ZNF761: variants seen among roughly 807,000 people sequenced by gnomAD.
ZNF761 encodes the protein zinc finger protein 761.
A neutral mutation model predicts 59.9 loss-of-function variants in ZNF761; 43 were observed. That is an observed-to-expected ratio of 0.72 (90% CI 0.56 to 0.92). The LOEUF is 0.92. Ranked by LOEUF, ZNF761 falls within the 40% of genes least tolerant of loss-of-function variation. The pLI, the probability that ZNF761 is intolerant of heterozygous loss-of-function variation, is 0.00. For missense variants in ZNF761, 850 were observed against 906.1 expected (o/e 0.94, Z 0.79); for synonymous variants, 294 against 304.8 (o/e 0.96, Z 0.37).
chr19:53,457,097 C>A lies in ZNF761; in HGVS notation c.*349C>A. The A allele has an allele frequency of 1.7e-6, 1 of 593,290 alleles. No individual in the cohort carries two copies. Among genetic ancestry groups the A allele is most frequent in the Non-Finnish European group, 3.0e-6 (1 of 330,924 alleles). 36.8% of individuals were successfully genotyped at this position (593,290 alleles called of 1,614,324 possible). On this transcript the variant is annotated 3_prime_UTR_variant, in exon 5 of 5. Coordinates refer to ENST00000684525, the MANE Select transcript of ZNF761 (RefSeq NM_001289951.2). ...ACCAGTGTAATGAGTGTGGCAAAGC[C>A]TTTAGTAGGCAGTCAACACTTGTTT...
rs145908359 is a variant in ZNF761, at chr19:53,451,218, A to C, written c.142+1580A>C. Among the ~76,000 whole-genome samples, 863 of 152,176 alleles carry C rather than the reference A, an allele frequency of 5.7e-3. 6 individuals carry two copies. The highest frequency in any genetic ancestry group is 9.5e-3 in the African/African-American group (395 of 41,514). On this transcript the variant is annotated intron_variant, in intron 4 of 4. Coordinates refer to ENST00000684525, the MANE Select transcript of ZNF761 (RefSeq NM_001289951.2). ...TATTTGCCTGTTCATTTATTTATTT[A>C]TTTGTTGATGAGATGAAGTTTTGTT...
intron 1 of ZNF761, chr19:53,444,468 A>G (rs569282182): frequency 7.9e-5 from 12 of 152,282 alleles, no homozygotes; most frequent in African/African-American, 2.6e-4. Context: ...ACCTTTCCTT[A>G]AACTTATTTA....
chr19:53,452,128 C>G (rs539106064), intron 4 of ZNF761, among the ~76,000 whole-genome samples: 3 of 152,106 alleles, frequency 2.0e-5, no homozygotes, highest in Non-Finnish European at 4.4e-5. Context: ...GTGGGCTGAT[C>G]ACTTGAAATC....
rs749185898 is a variant in ZNF761, at chr19:53,456,255, G to A, written c.1748G>A (p.Ser583Asn). 3.1e-6 allele frequency: 5 copies of A among 1,614,034 alleles called. No individual in the cohort carries two copies. The highest frequency in any genetic ancestry group is 4.2e-6 in the Non-Finnish European group (5 of 1,179,984). ...SGENPYKCED[S>N]DKAYSFKSNL... is the part of the protein sequence containing the mutation. Reference sequence around the variant, plus strand: ...GAGAACCCTTACAAATGTGAAGATAGTGACAAAGCTTACAGTTTCAAATCA... The same window carrying A: ...GAGAACCCTTACAAATGTGAAGATAATGACAAAGCTTACAGTTTCAAATCA... Residue 583 changes from serine (S) to asparagine (N), a missense_variant, in exon 5 of 5, where the codon AGT becomes AAT. Coordinates refer to ENST00000684525, the MANE Select transcript of ZNF761 (RefSeq NM_001289951.2).
chr19:53,440,919 TC>T (rs2086092786), intron 1 of ZNF761, among the ~76,000 whole-genome samples: 1 of 152,162 alleles, frequency 6.6e-6, no homozygotes, highest in South Asian at 2.1e-4. Context: ...CGAAGGATCT[TC>T]CTGCCTTGGC....
At chr19:53,435,072 A>T (rs1379569202) in intron 1 of ZNF761, among the ~76,000 whole-genome samples, 1 of 152,038 alleles carries the variant, frequency 6.6e-6, no homozygotes, top group Non-Finnish European at 1.5e-5. Flanking sequence ...TGAAATTTAC[A>T]GGATTACAGG....
At chr19:53,436,246 T>C (rs995050474) in intron 1 of ZNF761, among the ~76,000 whole-genome samples, 2 of 152,206 alleles carry the variant, frequency 1.3e-5, no homozygotes, top group East Asian at 3.9e-4. Context: ...CCTAGAGAAG[T>C]TGGATTCTAC....
At chr19:53,437,773 T>C (rs2708809) in intron 1 of ZNF761, among the ~76,000 whole-genome samples, 12 of 151,750 alleles carry the variant, frequency 7.9e-5, no homozygotes, top group African/African-American at 2.7e-4. Flanking sequence ...TAAAAGTCCT[T>C]TCTCTTTATA....
In ZNF761 at chr19:53,454,671, T is replaced by G; in HGVS notation, c.164T>G (p.Met55Arg). Residue 55 changes from methionine (M) to arginine (R), a missense_variant, in exon 5 of 5, where the codon ATG becomes AGG. Physicochemically the swap from Met to Arg is moderately conservative, Grantham distance 91. Coordinates refer to ENST00000684525, the MANE Select transcript of ZNF761 (RefSeq NM_001289951.2). ...GTAGATATCTCTTCCAAATGCACGA[T>G]GAAGGAGTTCTTGTCAACAGCGCAA... is the stretch of plus-strand genomic sequence containing the variant. ...VSLDISSKCTMKEFLSTAQGN... is the reference protein window; with the variant it reads ...VSLDISSKCTRKEFLSTAQGN... The G allele has an allele frequency of 1.2e-6, 2 of 1,601,822 alleles. No homozygotes were observed. Among genetic ancestry groups the G allele is most frequent in the Non-Finnish European group, 1.7e-6 (2 of 1,173,254 alleles).
At chr19:53,445,849 G>C (rs1023374440) in intron 1 of ZNF761, among the ~76,000 whole-genome samples, 11 of 152,086 alleles carry the variant, frequency 7.2e-5, no homozygotes, top group Admixed American at 7.2e-4. Context: ...CCAGCTTCCC[G>C]TGTTCCCCAG....
rs543169352 is a variant in ZNF761 at position 53,434,947 on chromosome 19, G to T, written c.-185+2919G>T. On this transcript the variant is annotated intron_variant, in intron 1 of 4. Coordinates refer to ENST00000684525, the MANE Select transcript of ZNF761 (RefSeq NM_001289951.2). ...TGGAATGATTTAAAGACTCGGAATT[G>T]TTGCTGGTCCGGGTTCCTTTTTGAT... 6.4e-4 allele frequency among the ~76,000 whole-genome samples: 97 copies of T among 152,286 alleles called. 2 individuals carry two copies. The highest frequency in any genetic ancestry group is 1.3e-4 in the Non-Finnish European group (9 of 68,026).
At position 53,455,966 on chromosome 19, in the gene ZNF761, A is replaced by G. The variant is rs2086265675; in HGVS notation, c.1459A>G (p.Ile487Val). ...FKSNLERHRR[I>V]HTGEKPYKCN... Reference sequence around the variant, plus strand: ...ATCAAACCTTGAAAGACATAGGAGAATTCATACTGGAGAGAAACCATACAA... The same window carrying G: ...ATCAAACCTTGAAAGACATAGGAGAGTTCATACTGGAGAGAAACCATACAA... Residue 487 changes from isoleucine to valine, a missense_variant, in exon 5 of 5, where the codon ATT becomes GTT. Coordinates refer to ENST00000684525, the MANE Select transcript of ZNF761 (RefSeq NM_001289951.2). 6.2e-7 allele frequency: 1 copy of G among 1,610,872 alleles called. No homozygotes were observed.
rs1333147872 is a variant in ZNF761 at position 53,454,838 on chromosome 19, G to C, written c.331G>C (p.Ala111Pro). The C allele has an allele frequency of 6.2e-7, 1 of 1,614,100 alleles. No homozygotes were observed. The highest frequency in any genetic ancestry group is 1.7e-5 in the Admixed American group (1 of 60,004). ...WQEDERNGHE[A>P]PMTKIKKLTG... ...AGAAGATGAAAGAAATGGCCATGAA[G>C]CACCCATGACAAAAATCAAAAAGTT... Residue 111 changes from alanine (A) to proline (P), a missense_variant, in exon 5 of 5, where the codon GCA (alanine) becomes CCA (proline). Physicochemically the swap from Ala to Pro is conservative, Grantham distance 27. Coordinates refer to ENST00000684525, the MANE Select transcript of ZNF761 (RefSeq NM_001289951.2).
At chr19:53,439,466 G>GCC (rs1362801511) in intron 1 of ZNF761, among the ~76,000 whole-genome samples, 2 of 151,950 alleles carry the variant, frequency 1.3e-5, no homozygotes, top group Non-Finnish European at 2.9e-5. Context: ...GATTGTGGTA[G>GCC]TTTTTAAACC....
intron 1 of ZNF761, among the ~76,000 whole-genome samples, chr19:53,440,954 G>A (rs2086093144): frequency 6.6e-6 from 1 of 152,188 alleles, no homozygotes; most frequent in Non-Finnish European, 1.5e-5. Context: ...GGGATTACAA[G>A]GATAAGCCAC....
chr19:53,448,078 G>C (rs1489665710), intron 3 of ZNF761, among the ~76,000 whole-genome samples: 1 of 151,952 alleles, frequency 6.6e-6, no homozygotes, highest in African/African-American at 2.4e-5. Flanking sequence ...CTTGGCTCAC[G>C]GGAACCTCCA....
Position 53,455,672 on chromosome 19 carries a change from A to G in ZNF761, c.1165A>G (p.Lys389Glu). ...EKPYKCNECGKTFSHKSSLTC... is the reference protein window; with the variant it reads ...EKPYKCNECGETFSHKSSLTC... ...ACCCTACAAATGTAATGAGTGTGGC[A>G]AGACCTTTAGTCACAAGTCATCCCT... Residue 389 changes from lysine (K) to glutamate (E), a missense_variant, in exon 5 of 5, where the codon AAG (lysine) becomes GAG (glutamate). Lys to Glu is a moderately conservative substitution (Grantham distance 56). Transcript: ENST00000684525. 6.2e-7 allele frequency: 1 copy of G among 1,613,768 alleles called. No homozygotes were observed. Among genetic ancestry groups the G allele is most frequent in the South Asian group, 1.1e-5 (1 of 91,064 alleles).
chr19:53,433,461 C>CAGCATTATCTTGTAACTGTTCTCT (rs1482125258), intron 1 of ZNF761, among the ~76,000 whole-genome samples: 2 of 143,604 alleles, frequency 1.4e-5, no homozygotes, highest in East Asian at 2.1e-4. Flanking sequence ...TCGACTTCGC[C>CAGCATTATCTTGTAACTGTTCTCT]AAGTCGAGCT....
At chr19:53,433,997 C>G (rs949186925) in intron 1 of ZNF761, among the ~76,000 whole-genome samples, 1 of 152,148 alleles carries the variant, frequency 6.6e-6, no homozygotes, top group Non-Finnish European at 1.5e-5. Context: ...ACTCCTCCTT[C>G]CTAGGCTAGG....
Sources: gnomAD v4.1 joint callset for allele counts (sites outside exome capture counted in the v4.1 genomes callset) on GRCh38, gnomAD v4.1.1 for gene constraint, MANE v1.5 for transcripts, NCBI Gene and HGNC (gene_info 2026-07-23, HGNC 2026-07-21) for gene names.